Variants in CST11 observed in about 807,000 individuals in gnomAD.
The protein encoded by CST11 is cystatin 11.
A neutral mutation model predicts 14.0 loss-of-function variants in CST11; 13 were observed. That is an observed-to-expected ratio of 0.93 (90% CI 0.60 to 1.47). The LOEUF is 1.47. CST11 is among the 40% of genes most tolerant of loss of function. CST11 has a pLI of 0.00. For synonymous variants in CST11, 64 were observed against 57.8 expected (o/e 1.11, Z -0.48); for missense variants, 181 against 160.0 (o/e 1.13, Z -0.71).
intron 1 of CST11, among the ~76,000 whole-genome samples, chr20:23,452,268 C>A (rs1211171887): frequency 6.6e-6 from 1 of 152,138 alleles, no homozygotes; most frequent in East Asian, 1.9e-4. Flanking sequence ...CTACTCAGTT[C>A]GGCATGAGTG....
rs776286887 is a variant in CST11 at position 23,452,614 on chromosome 20, C to A, written c.198G>T (p.Arg66Ser). ...TCTGGACTTTAAGGACTCGGAAGAT[C>A]CTGAAGTGGTACTTGTCATCACTTT... ...NKESDDKYHFRIFRVLKVQRQ... is the reference protein window; with the variant it reads ...NKESDDKYHFSIFRVLKVQRQ... Residue 66 changes from arginine (R) to serine (S), a missense_variant, in exon 1 of 3, where the codon AGG becomes AGT. Physicochemically the swap from Arg to Ser is moderately radical, Grantham distance 110. Coordinates refer to ENST00000377009, the MANE Select transcript of CST11 (RefSeq NM_130794.2). 8 of 1,613,498 alleles carry A rather than the reference C, an allele frequency of 5.0e-6. No individual in the cohort carries two copies. The East Asian group carries it at 1.3e-4, about 27-fold the overall frequency.
chr20:23,452,224 A>G (rs1301555212), intron 1 of CST11, among the ~76,000 whole-genome samples: 2 of 152,214 alleles, frequency 1.3e-5, no homozygotes, highest in Admixed American at 6.5e-5. Context: ...CATAGTAAAC[A>G]TCTTACGTTT....
In CST11 at chr20:23,450,598, A is replaced by G. The variant is rs751376720; in HGVS notation, c.334-9T>C. On this transcript the variant is annotated splice_polypyrimidine_tract_variant and intron_variant, in intron 2 of 2. Transcript: ENST00000377009. Reference sequence around the variant, plus strand: ...AAGAAGCAGTTGACTTGCTAAAACAAAAAACAAAGGCAATATTTTAAAAGA... The same window carrying G: ...AAGAAGCAGTTGACTTGCTAAAACAGAAAACAAAGGCAATATTTTAAAAGA... The G allele has an allele frequency of 1.9e-6, 3 of 1,600,416 alleles. No individual in the cohort carries two copies. The highest frequency in any genetic ancestry group is 3.4e-5 in the Admixed American group (2 of 59,412).
intron 2 of CST11, among the ~76,000 whole-genome samples, chr20:23,451,110 A>G (rs1023065062): frequency 6.6e-6 from 1 of 151,882 alleles, no homozygotes; most frequent in African/African-American, 2.4e-5. Context: ...ATCTCCATTC[A>G]TTCTTCCATT....
At chr20:23,451,291 G>GGGT (rs1270194806) in intron 2 of CST11, among the ~76,000 whole-genome samples, 2 of 134,720 alleles carry the variant, frequency 1.5e-5, no homozygotes, top group Admixed American at 7.0e-5. Flanking sequence ...CTGCCTTCGG[G>GGGT]GGTGGTGGCT....
Position 23,450,544 on chromosome 20 carries a change from G to T in CST11, c.379C>A (p.Gln127Lys). 1 of 1,612,518 alleles carries T rather than the reference G, an allele frequency of 6.2e-7. No individual in the cohort carries two copies. The highest frequency in any genetic ancestry group is 8.5e-7 in the Non-Finnish European group (1 of 1,178,720). Residue 127 changes from glutamine to lysine, a missense_variant, in exon 3 of 3, where the codon CAG becomes AAG. Gln to Lys is a moderately conservative substitution (Grantham distance 53). Transcript: ENST00000377009. ...FSVFAVPWFEQYKILNKSCSS... is the reference protein window; with the variant it reads ...FSVFAVPWFEKYKILNKSCSS... ...CAGCTTTTGTTCAAAATTTTGTACT[G>T]TTCAAACCAGGGTACAGCAAACACT...
chr20:23,451,865 T>C lies in CST11; in HGVS notation c.284A>G (p.Gln95Arg), dbSNP rs764354728. ...LNVEMQWTTC[Q>R]KPETTNCVPQ... ...GACACAGTTCGTGGTCTCTGGCTTT[T>C]GGCAGGTGGTCCACTGCATTTCCAC... is the stretch of plus-strand genomic sequence containing the variant. The change falls in exon 2 of 3, where the codon CAA (glutamine) becomes CGA (arginine). Residue 95 changes from glutamine (Q) to arginine (R), a missense_variant. Transcript: ENST00000377009. The C allele has an allele frequency of 2.4e-5, 39 of 1,614,024 alleles. No homozygotes were observed. Among genetic ancestry groups the C allele is most frequent in the Non-Finnish European group, 3.2e-5 (38 of 1,179,984 alleles).
At chr20:23,450,718 C>T (rs1042084079) in intron 2 of CST11, 129 bp from the exon 3 acceptor site, 3 of 553,168 alleles carry the variant, frequency 5.4e-6, no homozygotes, top group East Asian at 2.8e-5. Context: ...CCTATTTGAC[C>T]ACAAACAGAA....
At position 23,450,490 on chromosome 20, in the gene CST11, G is replaced by A. The variant is rs753515228; in HGVS notation, c.*16C>T. On this transcript the variant is annotated 3_prime_UTR_variant, in exon 3 of 3. Transcript: ENST00000377009. ...TCTCTCACATGCAGTGGCCGCAGTT[G>A]TACACTCCAGGACACCTAGTCACTG... 1 of 1,579,836 alleles carries A rather than the reference G, an allele frequency of 6.3e-7. No individual in the cohort carries two copies. Among genetic ancestry groups the A allele is most frequent in the Non-Finnish European group, 8.7e-7 (1 of 1,154,938 alleles).
rs201506035 is a variant in CST11, at chr20:23,452,838, G to A, written c.-27C>T. On this transcript the variant is annotated 5_prime_UTR_variant, in exon 1 of 3. Transcript: ENST00000377009. Reference sequence around the variant, plus strand: ...CTTCAGCTGCAGAGGAACAGGAAGAGTGTTCTCTGTACTCCTCAGGGACAA... The same window carrying A: ...CTTCAGCTGCAGAGGAACAGGAAGAATGTTCTCTGTACTCCTCAGGGACAA... The A allele has an allele frequency of 5.1e-5, 79 of 1,555,702 alleles. No homozygotes were observed. In the East Asian group the frequency reaches 1.5e-3, roughly 30 times the overall value.
Sources: allele counts gnomAD v4.1 joint callset (sites outside exome capture counted in the v4.1 genomes callset), GRCh38; gene constraint gnomAD v4.1.1; transcripts MANE v1.5; gene names NCBI Gene and HGNC (gene_info 2026-07-23, HGNC 2026-07-21).